The following KCNQ5 variants were observed in gnomAD, a reference collection of about 807,000 sequenced individuals.
KCNQ5 encodes potassium voltage-gated channel subfamily Q member 5.
A neutral mutation model predicts 98.2 loss-of-function variants in KCNQ5; 30 were observed. The observed-to-expected ratio is 0.31, with a 90% CI of 0.23 to 0.41. KCNQ5 has a LOEUF of 0.41. KCNQ5 is among the 10% of genes least tolerant of loss of function. The pLI is 1.00. For synonymous variants in KCNQ5, 458 were observed against 449.4 expected, an observed-to-expected ratio of 1.02 and a Z score of -0.24; for missense variants, 835 against 1,182.5, an observed-to-expected ratio of 0.71 and a Z score of 4.31.
intron 3 of KCNQ5, among the ~76,000 whole-genome samples, chr6:73,062,668 C>A (rs561165840): frequency 6.6e-6 from 1 of 152,036 alleles, no homozygotes; most frequent in Non-Finnish European, 1.5e-5. Context: ...ATATTTTTTG[C>A]CTGCATTTTT....
chr6:73,121,675 T>C (rs1377976441), intron 8 of KCNQ5, among the ~76,000 whole-genome samples: 1 of 152,186 alleles, frequency 6.6e-6, no homozygotes, highest in Non-Finnish European at 1.5e-5. Context: ...CTTACTGATC[T>C]TGGGAGATAT....
intron 2 of KCNQ5, among the ~76,000 whole-genome samples, chr6:73,021,619 C>T (rs1281029164): frequency 6.6e-6 from 1 of 152,136 alleles, no homozygotes; most frequent in Non-Finnish European, 1.5e-5. Context: ...AAAAGAGATG[C>T]AAGATAAAAC....
intron 1 of KCNQ5, among the ~76,000 whole-genome samples, chr6:72,674,649 A>G (rs1165687282): frequency 6.6e-6 from 1 of 152,088 alleles, no homozygotes; most frequent in Non-Finnish European, 1.5e-5. Flanking sequence ...ATGTGCCTGT[A>G]GCCCCAGCCA....
intron 1 of KCNQ5, among the ~76,000 whole-genome samples, chr6:72,700,573 C>G (rs572886057): frequency 1.9e-4 from 29 of 152,242 alleles, no homozygotes; most frequent in African/African-American, 6.0e-4. Flanking sequence ...TTTTTTCAAA[C>G]TAGTAAAATA....
chr6:72,868,217 T>C (rs1003966342), intron 1 of KCNQ5, among the ~76,000 whole-genome samples: 3 of 152,162 alleles, frequency 2.0e-5, no homozygotes, highest in African/African-American at 7.2e-5. Flanking sequence ...AGAGTTTCTT[T>C]TAAAAAAATT....
chr6:72,797,783 G>C (rs1774419599), intron 1 of KCNQ5, among the ~76,000 whole-genome samples: 1 of 151,970 alleles, frequency 6.6e-6, no homozygotes. Context: ...ATTTTGGCCA[G>C]TATTTTGAGC....
chr6:72,690,810 T>C (rs1165808693), intron 1 of KCNQ5, among the ~76,000 whole-genome samples: 2 of 152,032 alleles, frequency 1.3e-5, no homozygotes, highest in African/African-American at 4.8e-5. Flanking sequence ...TTTTTTTCCA[T>C]TCTTCATAGG....
chr6:72,902,530 T>A (rs1191492797), intron 1 of KCNQ5, among the ~76,000 whole-genome samples: 3 of 152,188 alleles, frequency 2.0e-5, no homozygotes, highest in Non-Finnish European at 4.4e-5. Flanking sequence ...GTGCCAGTTT[T>A]GTTGAGAGTT....
In KCNQ5 at chr6:72,760,447, C is replaced by CGTGT. The variant is rs10607088; in HGVS notation, c.398+137890_398+137893dup. ...AATAGAATTGTTTTTTTCAGGAGTACGTGTGTGTGTGTGTGTGTGTGTGTG... is the reference window on the plus strand; with the variant it reads ...AATAGAATTGTTTTTTTCAGGAGTACGTGTGTGTGTGTGTGTGTGTGTGTGTGTG... On this transcript the variant is annotated intron_variant, in intron 1 of 13. Coordinates refer to ENST00000370398, the MANE Select transcript of KCNQ5 (RefSeq NM_019842.4). 2.3e-3 allele frequency among the ~76,000 whole-genome samples: 338 copies of CGTGT among 148,132 alleles called. 2 individuals are homozygous for CGTGT. Among genetic ancestry groups the CGTGT allele is most frequent in the African/African-American group, 6.6e-3 (266 of 40,336 alleles).
intron 10 of KCNQ5, among the ~76,000 whole-genome samples, chr6:73,141,409 TA>T (rs1389294533): frequency 9.8e-5 from 15 of 152,348 alleles, no homozygotes; most frequent in Middle Eastern, 6.8e-3. Flanking sequence ...TGCTTGTTCT[TA>T]GTTTTTAGTG....
chr6:73,048,697 A>G (rs1039298421), intron 3 of KCNQ5, among the ~76,000 whole-genome samples: 35 of 152,208 alleles, frequency 2.3e-4, no homozygotes, highest in African/African-American at 8.2e-4. Flanking sequence ...AAACATAAAC[A>G]TAAGTTTATA....
At chr6:72,807,242 G>A (rs1458611335) in intron 1 of KCNQ5, among the ~76,000 whole-genome samples, 1 of 151,512 alleles carries the variant, frequency 6.6e-6, no homozygotes, top group Admixed American at 6.6e-5. Flanking sequence ...CATACCATAG[G>A]GCTTAGTTAA....
At chr6:73,019,078 G>T (rs188747238) in intron 2 of KCNQ5, among the ~76,000 whole-genome samples, 43 of 152,180 alleles carry the variant, frequency 2.8e-4, no homozygotes, top group Non-Finnish European at 3.4e-4. Flanking sequence ...TGTGATATAT[G>T]ACAGGGTGAC....
intron 3 of KCNQ5, among the ~76,000 whole-genome samples, chr6:73,066,365 G>A (rs575022693): frequency 1.3e-5 from 2 of 152,020 alleles, no homozygotes; most frequent in South Asian, 4.2e-4. Context: ...ATTATATTCT[G>A]TACTTGTTTA....
chr6:72,934,449 T>C (rs1269421147), intron 1 of KCNQ5, among the ~76,000 whole-genome samples: 2 of 152,160 alleles, frequency 1.3e-5, no homozygotes, highest in African/African-American at 4.8e-5. Context: ...GGTGATATCC[T>C]ACATTTATAA....
chr6:72,851,492 A>G (rs368904126), intron 1 of KCNQ5, among the ~76,000 whole-genome samples: 40 of 152,232 alleles, frequency 2.6e-4, no homozygotes, highest in African/African-American at 6.5e-4. Flanking sequence ...TTCTGGGTAA[A>G]GCTTTATTCC....
chr6:72,676,734 C>T (rs111312913), intron 1 of KCNQ5, among the ~76,000 whole-genome samples: 57 of 113,260 alleles, frequency 5.0e-4, no homozygotes, highest in African/African-American at 1.6e-3. Flanking sequence ...TCTTTAAAAT[C>T]TGGGCATATA....
chr6:72,891,674 A>G (rs1475798907), intron 1 of KCNQ5, among the ~76,000 whole-genome samples: 2 of 152,214 alleles, frequency 1.3e-5, no homozygotes, highest in Non-Finnish European at 2.9e-5. Context: ...ATTCAGTGCC[A>G]CCTAAGGTGC....
chr6:72,637,609 A>G (rs1400962195), intron 1 of KCNQ5, among the ~76,000 whole-genome samples: 2 of 152,276 alleles, frequency 1.3e-5, no homozygotes, highest in Admixed American at 1.3e-4. Context: ...AAGACTACAT[A>G]CTTCAAATGG....
Sources: allele counts gnomAD v4.1 joint callset (sites outside exome capture counted in the v4.1 genomes callset), GRCh38; gene constraint gnomAD v4.1.1; transcripts MANE v1.5; gene names NCBI Gene and HGNC (gene_info 2026-07-23, HGNC 2026-07-21).